ENPP6: variants seen among roughly 807,000 people sequenced by gnomAD.
ENPP6 encodes ectonucleotide pyrophosphatase/phosphodiesterase 6.
ENPP6 carries 32 observed loss-of-function variants against 42.0 expected under a neutral mutation model. The ratio of observed to expected loss-of-function variants is 0.76; its 90% CI spans 0.58 to 1.02. The LOEUF is 1.02. ENPP6 is among the 50% of genes least tolerant of loss of function. The probability of loss-of-function intolerance (pLI) is 0.00; values close to 1 mark genes in which losing one functional copy is unlikely to be tolerated. For synonymous variants in ENPP6, 213 were observed against 216.0 expected, an observed-to-expected ratio of 0.99 and a Z score of 0.12; for missense variants, 552 against 566.8, an observed-to-expected ratio of 0.97 and a Z score of 0.27.
At chr4:184,211,544 A>G (rs1305893412) in intron 1 of ENPP6, among the ~76,000 whole-genome samples, 1 of 152,244 alleles carries the variant, frequency 6.6e-6, no homozygotes, top group Non-Finnish European at 1.5e-5. Flanking sequence ...CCAGGAAGGA[A>G]TTGAATCTCT....
At chr4:184,207,414 T>C (rs1363423445) in intron 1 of ENPP6, among the ~76,000 whole-genome samples, 3 of 152,260 alleles carry the variant, frequency 2.0e-5, no homozygotes, top group African/African-American at 7.2e-5. Flanking sequence ...AAATCACTGC[T>C]TTCTTTCCTT....
intron 6 of ENPP6, among the ~76,000 whole-genome samples, chr4:184,105,694 TTTA>T (rs1465258556): frequency 6.6e-6 from 1 of 152,216 alleles, no homozygotes; most frequent in African/African-American, 2.4e-5. Context: ...TCCCCATATT[TTTA>T]TTATCTGCAA....
chr4:184,168,461 C>T (rs879274371), intron 1 of ENPP6, among the ~76,000 whole-genome samples: 13 of 152,234 alleles, frequency 8.5e-5, no homozygotes, highest in African/African-American at 3.1e-4. Context: ...AGAAAAGCAG[C>T]ACCACGTTGC....
chr4:184,104,240 A>G (rs1430207560), intron 6 of ENPP6, among the ~76,000 whole-genome samples: 8 of 152,220 alleles, frequency 5.3e-5, no homozygotes, highest in Middle Eastern at 3.4e-3. Flanking sequence ...ATTTCCCCAG[A>G]TATTTTGAGT....
intron 2 of ENPP6, among the ~76,000 whole-genome samples, chr4:184,149,514 T>C (rs1195732174): frequency 6.6e-6 from 1 of 152,190 alleles, no homozygotes; most frequent in African/African-American, 2.4e-5. Context: ...TGTCTTTCTC[T>C]ACATAGAAGG....
chr4:184,203,283 A>G (rs1468890510), intron 1 of ENPP6, among the ~76,000 whole-genome samples: 2 of 152,146 alleles, frequency 1.3e-5, no homozygotes, highest in Non-Finnish European at 2.9e-5. Context: ...TTAACACTCA[A>G]AAGAAGCTGT....
intron 1 of ENPP6, among the ~76,000 whole-genome samples, chr4:184,174,612 A>T (rs1737531058): frequency 1.2e-4 from 1 of 8,632 alleles, no homozygotes; most frequent in African/African-American, 1.5e-4. Context: ...AGACAGGTGA[A>T]GTAAACTCTC....
At chr4:184,163,001 C>T (rs934300033) in intron 1 of ENPP6, among the ~76,000 whole-genome samples, 2 of 152,198 alleles carry the variant, frequency 1.3e-5, no homozygotes, top group Admixed American at 6.5e-5. Context: ...TCCTAGAGGC[C>T]ATCCCTCAAG....
At position 184,116,960 on chromosome 4, in the gene ENPP6, T is replaced by C; in HGVS notation, c.751A>G (p.Lys251Glu). The C allele has an allele frequency of 1.2e-6, 2 of 1,614,224 alleles. No individual in the cohort carries two copies. Among genetic ancestry groups the C allele is most frequent in the Non-Finnish European group, 1.7e-6 (2 of 1,180,044 alleles). The part of the protein sequence containing the change: ...HGMTDIFWMD[K>E]VIELNKYISL... Reference sequence around the variant, plus strand: ...ATGTACTTATTCAGCTCAATCACTTTGTCCATCCAGAAAATGTCGGTCATT... The same window carrying C: ...ATGTACTTATTCAGCTCAATCACTTCGTCCATCCAGAAAATGTCGGTCATT... The change falls in exon 5 of 8, where the codon AAA (lysine) becomes GAA (glutamate). Residue 251 changes from lysine to glutamate, a missense_variant. This residue lies in a region of ENPP6 where 545 missense variants were observed against 546.3 expected (regional missense o/e 1.00). Coordinates refer to ENST00000296741, the MANE Select transcript of ENPP6 (RefSeq NM_153343.4).
chr4:184,093,006 G>A (rs2111325505), intron 7 of ENPP6, among the ~76,000 whole-genome samples: 1 of 152,306 alleles, frequency 6.6e-6, no homozygotes, highest in South Asian at 2.1e-4. Context: ...CTGCCACATA[G>A]TATGTTAGAT....
intron 1 of ENPP6, chr4:184,216,770 T>C (rs1733201443): frequency 1.3e-5 from 2 of 152,196 alleles, no homozygotes; most frequent in Admixed American, 6.5e-5. Context: ...GGGCTGCACA[T>C]TCTATTATCG....
intron 2 of ENPP6, among the ~76,000 whole-genome samples, chr4:184,131,186 T>TG (rs1736611122): frequency 3.3e-5 from 2 of 61,480 alleles, no homozygotes; most frequent in African/African-American, 1.5e-4. Context: ...TCTTTCTTTC[T>TG]TTCTTTCTTT....
chr4:184,097,841 G>A (rs1266906204), intron 6 of ENPP6, among the ~76,000 whole-genome samples: 1 of 152,164 alleles, frequency 6.6e-6, no homozygotes, highest in African/African-American at 2.4e-5. Context: ...GGGGTCCTGG[G>A]GCTGGGGGCT....
At chr4:184,174,073 G>A (rs1054535959) in intron 1 of ENPP6, among the ~76,000 whole-genome samples, 10 of 151,906 alleles carry the variant, frequency 6.6e-5, no homozygotes, top group African/African-American at 1.9e-4. Flanking sequence ...GAAGAGGCAC[G>A]ATCCGATGCC....
intron 6 of ENPP6, among the ~76,000 whole-genome samples, chr4:184,097,941 A>G (rs904997814): frequency 1.3e-5 from 2 of 152,104 alleles, no homozygotes; most frequent in African/African-American, 4.8e-5. Context: ...CACCTGACCC[A>G]TGATTTCCTC....
chr4:184,102,915 G>A lies in ENPP6; in HGVS notation c.994-5547C>T, dbSNP rs142033733. 1.9e-4 allele frequency among the ~76,000 whole-genome samples: 29 copies of A among 152,382 alleles called. No individual in the cohort carries two copies. The East Asian group carries it at 5.6e-3, about 29-fold the overall frequency. ...AATGTCCCCCAGGTGGTCGGGATGTGCAGTCAGCCATGAGAACCCCTAGAA... is the reference window on the plus strand; with the variant it reads ...AATGTCCCCCAGGTGGTCGGGATGTACAGTCAGCCATGAGAACCCCTAGAA... On this transcript the variant is annotated intron_variant, in intron 6 of 7. Coordinates refer to ENST00000296741, the MANE Select transcript of ENPP6 (RefSeq NM_153343.4).
intron 6 of ENPP6, among the ~76,000 whole-genome samples, chr4:184,104,134 C>T (rs944199492): frequency 3.3e-5 from 5 of 152,074 alleles, no homozygotes; most frequent in East Asian, 1.9e-4. Context: ...TGCAGCTTCC[C>T]ACCCCACATC....
intron 1 of ENPP6, among the ~76,000 whole-genome samples, chr4:184,162,866 G>T (rs964307342): frequency 2.0e-5 from 3 of 152,122 alleles, no homozygotes; most frequent in African/African-American, 7.2e-5. Context: ...GGTGTGGGCT[G>T]GGCTGAGGGG....
At chr4:184,199,035 G>A (rs371208837) in intron 1 of ENPP6, among the ~76,000 whole-genome samples, 20 of 152,288 alleles carry the variant, frequency 1.3e-4, no homozygotes, top group East Asian at 1.2e-3. Context: ...GAGAGAGGCC[G>A]CCTCCATGCC....
Sources: gnomAD v4.1 joint callset for allele counts (sites outside exome capture counted in the v4.1 genomes callset) on GRCh38, gnomAD v4.1.1 for gene constraint, gnomAD v4.1.1 regional missense constraint, MANE v1.5 for transcripts, NCBI Gene and HGNC (gene_info 2026-07-23, HGNC 2026-07-21) for gene names.